NIPAL2: variants seen among roughly 807,000 people sequenced by gnomAD.
NIPAL2 encodes NIPA-like protein 2.
In NIPAL2, 43 loss-of-function variants were observed where a neutral mutation model predicts 48.9. The ratio of observed to expected loss-of-function variants is 0.88; its 90% CI spans 0.69 to 1.13. The LOEUF (loss-of-function observed/expected upper bound fraction) is 1.13. Ranked by LOEUF, NIPAL2 falls within the 50% of genes most tolerant of loss-of-function variation. The probability of loss-of-function intolerance (pLI) is 0.00; values close to 1 mark genes in which losing one functional copy is unlikely to be tolerated. For synonymous variants in NIPAL2, 167 were observed against 174.6 expected (o/e 0.96, Z 0.34); for missense variants, 446 against 461.4 (o/e 0.97, Z 0.31).
chr8:98,268,699 CT>C (rs1475907251), intron 1 of NIPAL2, among the ~76,000 whole-genome samples: 1 of 151,668 alleles, frequency 6.6e-6, no homozygotes, highest in African/African-American at 2.4e-5. Flanking sequence ...ACAGGCTTAC[CT>C]CAGAGATATT....
At chr8:98,266,725 C>T (rs1814776356) in intron 1 of NIPAL2, among the ~76,000 whole-genome samples, 1 of 151,528 alleles carries the variant, frequency 6.6e-6, no homozygotes, top group Non-Finnish European at 1.5e-5. Context: ...ATTACACATG[C>T]GAGCAAAAAC....
chr8:98,294,106 TC>T lies in NIPAL2; in HGVS notation c.31del (p.Asp11ThrfsTer12), dbSNP rs1484984295. MAAVAPAGPG[D>X]SASAALDELS... The stretch of plus-strand genomic sequence containing the variant: ...CTCGTCCAGGGCGGCCGAGGCGGAG[TC>T]CCCGGGGCCCGCGGGCGCCACCGCT... On this transcript the variant is annotated frameshift_variant, in exon 1 of 11. Coordinates refer to ENST00000430223, the MANE Select transcript of NIPAL2 (RefSeq NM_001321635.2). LOFTEE classifies it high-confidence loss of function. 8.8e-6 allele frequency: 13 copies of T among 1,483,936 alleles called. No individual in the cohort carries two copies. Among genetic ancestry groups the T allele is most frequent in the Admixed American group, 7.2e-5 (3 of 41,734 alleles). The allele number at this position is 1,483,936 out of a possible 1,614,324, so 91.9% of individuals were successfully genotyped here.
intron 1 of NIPAL2, among the ~76,000 whole-genome samples, chr8:98,291,458 C>G (rs1280370733): frequency 1.3e-5 from 2 of 152,146 alleles, no homozygotes; most frequent in Non-Finnish European, 2.9e-5. Flanking sequence ...AGCCAAATGC[C>G]CCTTTGCTCT....
chr8:98,203,251 G>T, intron 7 of NIPAL2, 55 bp from the exon 8 acceptor site: 1 of 1,259,292 alleles, frequency 7.9e-7, no homozygotes, highest in Non-Finnish European at 1.2e-6. Flanking sequence ...TCAGCAATAA[G>T]TTAACAATAA....
chr8:98,253,154 T>G (rs947368286), intron 2 of NIPAL2, among the ~76,000 whole-genome samples: 1 of 152,124 alleles, frequency 6.6e-6, no homozygotes, highest in African/African-American at 2.4e-5. Context: ...TTATTATTAG[T>G]TATTGTTGTT....
Position 98,219,026 on chromosome 8 carries a change from G to A in NIPAL2, c.558+3453C>T, listed in dbSNP as rs144877244. ...TGTGAAAAGGGGGTCAAGTTCAAGAGACTTTACATTTCCAACAGGATCAGG... is the reference window on the plus strand; with the variant it reads ...TGTGAAAAGGGGGTCAAGTTCAAGAAACTTTACATTTCCAACAGGATCAGG... On this transcript the variant is annotated intron_variant, in intron 5 of 10. Coordinates refer to ENST00000430223, the MANE Select transcript of NIPAL2 (RefSeq NM_001321635.2). Among the ~76,000 whole-genome samples, 469 of 152,302 alleles carry A rather than the reference G, an allele frequency of 3.1e-3. 4 individuals carry two copies. The Middle Eastern group carries it at 0.041, about 13-fold the overall frequency.
chr8:98,240,939 C>T (rs1400135529), intron 3 of NIPAL2, among the ~76,000 whole-genome samples: 1 of 152,042 alleles, frequency 6.6e-6, no homozygotes, highest in Non-Finnish European at 1.5e-5. Flanking sequence ...GTTTTATTTC[C>T]TCAACCGGTG....
At chr8:98,212,538 T>C (rs1233410248) in intron 5 of NIPAL2, 37 bp from the exon 6 acceptor site, 1 of 1,045,744 alleles carries the variant, frequency 9.6e-7, no homozygotes, top group African/African-American at 1.6e-5. Context: ...TAAGTTATTC[T>C]ATGCAAAGTC....
chr8:98,258,583 T>C (rs767451824), intron 1 of NIPAL2, among the ~76,000 whole-genome samples: 1 of 152,140 alleles, frequency 6.6e-6, no homozygotes, highest in Non-Finnish European at 1.5e-5. Flanking sequence ...CCCAACTTAG[T>C]GGGTAACAAG....
At chr8:98,253,938 CA>C in intron 2 of NIPAL2, 80 bp downstream of exon 2, 1 of 808,468 alleles carries the variant, frequency 1.2e-6, no homozygotes, top group Admixed American at 2.8e-5. Flanking sequence ...GCCACAAAGA[CA>C]AAAGTGCCCA....
At chr8:98,219,318 G>A (rs890333192) in intron 5 of NIPAL2, among the ~76,000 whole-genome samples, 9 of 152,132 alleles carry the variant, frequency 5.9e-5, no homozygotes, top group East Asian at 5.8e-4. Flanking sequence ...GATGGGCAAC[G>A]GGATTCTTTT....
chr8:98,233,940 T>C (rs1812576317), intron 4 of NIPAL2, among the ~76,000 whole-genome samples: 1 of 152,188 alleles, frequency 6.6e-6, no homozygotes, highest in Admixed American at 6.5e-5. Flanking sequence ...CAGAACCAAT[T>C]CAAATGTTAT....
At chr8:98,269,510 C>A (rs930219556) in intron 1 of NIPAL2, among the ~76,000 whole-genome samples, 1 of 152,130 alleles carries the variant, frequency 6.6e-6, no homozygotes, top group South Asian at 2.1e-4. Context: ...AGAGGAATGT[C>A]TTTTTCTGAG....
rs753124185 is a variant in NIPAL2 at position 98,195,937 on chromosome 8, C to G, written c.944+5G>C. 7 of 1,562,702 alleles carry G rather than the reference C, an allele frequency of 4.5e-6. No individual in the cohort carries two copies. The highest frequency in any genetic ancestry group is 4.5e-5 in the East Asian group (2 of 44,182). On this transcript the variant is annotated splice_donor_5th_base_variant and intron_variant, in intron 9 of 10. Coordinates refer to ENST00000430223, the MANE Select transcript of NIPAL2 (RefSeq NM_001321635.2). The stretch of plus-strand genomic sequence containing the variant: ...ACATGCTTTACCTCTGAGACATTTA[C>G]TCACCCAAAAAGATATATAAATACA...
intron 1 of NIPAL2, among the ~76,000 whole-genome samples, chr8:98,276,372 TG>T (rs1052919452): frequency 9.9e-5 from 15 of 152,208 alleles, no homozygotes; most frequent in African/African-American, 1.7e-4. Context: ...TCACTTTTTT[TG>T]CTTAGTAATA....
At chr8:98,276,198 T>C (rs1467150082) in intron 1 of NIPAL2, among the ~76,000 whole-genome samples, 2 of 152,160 alleles carry the variant, frequency 1.3e-5, no homozygotes, top group Admixed American at 6.5e-5. Context: ...CATTATAATA[T>C]CATACAGAAT....
Position 98,294,114 on chromosome 8 carries a change from G to A in NIPAL2, c.24C>T (p.Gly8=), listed in dbSNP as rs1372783379. Residue 8 remains glycine (G), a synonymous_variant, in exon 1 of 11, where the codon GGC becomes GGT. Coordinates refer to ENST00000430223, the MANE Select transcript of NIPAL2 (RefSeq NM_001321635.2). MAAVAPA[G]PGDSASAALD... is the part of the protein sequence containing the mutation. ...GGGCGGCCGAGGCGGAGTCCCCGGG[G>A]CCCGCGGGCGCCACCGCTGCCATGA... 7 of 1,472,460 alleles carry A rather than the reference G, an allele frequency of 4.8e-6. No individual in the cohort carries two copies. The highest frequency in any genetic ancestry group is 6.3e-6 in the Non-Finnish European group (7 of 1,111,282). 91.2% of individuals were successfully genotyped at this position (1,472,460 alleles called of 1,614,324 possible). A position where few individuals can be genotyped will look rare whatever the true frequency, so the allele number is the denominator to read the frequency against.
At chr8:98,224,976 C>T (rs938410901) in intron 4 of NIPAL2, among the ~76,000 whole-genome samples, 15 of 151,968 alleles carry the variant, frequency 9.9e-5, no homozygotes, top group African/African-American at 3.4e-4. Context: ...AGGGTGGTCT[C>T]GAACTCTTGA....
At chr8:98,274,555 C>A (rs1451829472) in intron 1 of NIPAL2, among the ~76,000 whole-genome samples, 1 of 151,904 alleles carries the variant, frequency 6.6e-6, no homozygotes, top group East Asian at 1.9e-4. Flanking sequence ...ACTCTTTAAT[C>A]TCAATAATGT....
Sources: gnomAD v4.1 joint callset for allele counts (sites outside exome capture counted in the v4.1 genomes callset) on GRCh38, gnomAD v4.1.1 for gene constraint, MANE v1.5 for transcripts, NCBI Gene and HGNC (gene_info 2026-07-23, HGNC 2026-07-21) for gene names.